Variants in SLC24A2 observed in about 807,000 individuals in gnomAD.
SLC24A2 encodes sodium/potassium/calcium exchanger 2.
In SLC24A2, 36 loss-of-function variants were observed where a neutral mutation model predicts 62.0. The ratio of observed to expected loss-of-function variants is 0.58; its 90% CI spans 0.44 to 0.77. The LOEUF (loss-of-function observed/expected upper bound fraction) is 0.77. Among genes scored for constraint, SLC24A2 ranks in the 30% least tolerant of loss-of-function variants. The pLI is 0.00. For missense variants in SLC24A2, 846 were observed against 817.9 expected (o/e 1.03, Z -0.42); for synonymous variants, 358 against 294.0 (o/e 1.22, Z -2.23).
intron 2 of SLC24A2, among the ~76,000 whole-genome samples, chr9:19,729,467 T>C (rs1348844526): frequency 6.6e-6 from 1 of 152,168 alleles, no homozygotes; most frequent in Non-Finnish European, 1.5e-5. Flanking sequence ...GCACTAAACC[T>C]AGGTGTCCAA....
chr9:20,024,278 A>G, the SLC24A2 span, among the ~76,000 whole-genome samples: 1 of 152,330 alleles, frequency 6.6e-6, no homozygotes. Flanking sequence ...CCAAGCACAG[A>G]CCTGGAAAGT....
intron 2 of SLC24A2, among the ~76,000 whole-genome samples, chr9:19,647,918 G>A (rs1347870520): frequency 2.6e-5 from 4 of 152,132 alleles, no homozygotes; most frequent in Admixed American, 1.3e-4. Context: ...TTCCAATAAC[G>A]ATTGTGAATC....
At chr9:20,207,108 A>G in the SLC24A2 span, among the ~76,000 whole-genome samples, 1 of 152,214 alleles carries the variant, frequency 6.6e-6, no homozygotes, top group Non-Finnish European at 1.5e-5. Context: ...CACTGAAGGA[A>G]TAAATAGGAA....
At chr9:20,032,410 TTGAA>T in the SLC24A2 span, among the ~76,000 whole-genome samples, 1 of 95,672 alleles carries the variant, frequency 1.0e-5, no homozygotes, top group Non-Finnish European at 2.0e-5. Context: ...AATTATTGAA[TTGAA>T]TTAGTATTAA....
chr9:19,545,694 A>G (rs1356649559), intron 8 of SLC24A2, among the ~76,000 whole-genome samples: 1 of 150,510 alleles, frequency 6.6e-6, no homozygotes, highest in East Asian at 2.0e-4. Context: ...GCTGGAGTGC[A>G]GTGGTGCAAT....
chr9:19,965,594 T>G, the SLC24A2 span, among the ~76,000 whole-genome samples: 1 of 152,200 alleles, frequency 6.6e-6, no homozygotes, highest in Non-Finnish European at 1.5e-5. Context: ...GGTGACTCAA[T>G]TCAGTGAAAT....
chr9:20,127,748 T>G, the SLC24A2 span, among the ~76,000 whole-genome samples: 1 of 152,114 alleles, frequency 6.6e-6, no homozygotes, highest in Admixed American at 6.5e-5. Context: ...TGGCAAGAAG[T>G]GCTAACCATA....
the SLC24A2 span, among the ~76,000 whole-genome samples, chr9:19,949,947 C>A: frequency 6.6e-6 from 1 of 152,160 alleles, no homozygotes; most frequent in Non-Finnish European, 1.5e-5. Context: ...AGCAGCGGCA[C>A]CCGGGAACTT....
the SLC24A2 span, among the ~76,000 whole-genome samples, chr9:20,182,251 G>C: frequency 1.3e-5 from 2 of 152,206 alleles, no homozygotes; most frequent in Non-Finnish European, 2.9e-5. Flanking sequence ...TCCAGAACTA[G>C]AAATACCATT....
At chr9:20,168,582 C>T in the SLC24A2 span, among the ~76,000 whole-genome samples, 1 of 151,684 alleles carries the variant, frequency 6.6e-6, no homozygotes, top group South Asian at 2.1e-4. Flanking sequence ...ATATAAATAG[C>T]CAACAAGAAC....
At chr9:19,973,728 A>G in the SLC24A2 span, among the ~76,000 whole-genome samples, 1 of 152,238 alleles carries the variant, frequency 6.6e-6, no homozygotes, top group South Asian at 2.1e-4. Flanking sequence ...CCTCCAAACC[A>G]GATACATTTT....
chr9:19,884,328 A>G, the SLC24A2 span, among the ~76,000 whole-genome samples: 1 of 152,156 alleles, frequency 6.6e-6, no homozygotes, highest in South Asian at 2.1e-4. Context: ...CTGCTAATCA[A>G]TACTGCTGCT....
At chr9:19,990,922 G>GATGTATATATGTGTATATATATATAT in the SLC24A2 span, among the ~76,000 whole-genome samples, 1 of 120,812 alleles carries the variant, frequency 8.3e-6, no homozygotes, top group Non-Finnish European at 1.6e-5. Flanking sequence ...GGACTAATAG[G>GATGTATATATGTGTATATATATATAT]ATATATATAT....
the SLC24A2 span, among the ~76,000 whole-genome samples, chr9:19,911,076 C>G: frequency 1.8e-5 from 2 of 111,154 alleles, no homozygotes; most frequent in African/African-American, 3.5e-5. Context: ...CCTCCCCCCA[C>G]CCCACAACAG....
chr9:20,206,341 T>G, the SLC24A2 span, among the ~76,000 whole-genome samples: 1 of 152,206 alleles, frequency 6.6e-6, no homozygotes. Context: ...ATATGAGAAT[T>G]CAACACCTAT....
the SLC24A2 span, among the ~76,000 whole-genome samples, chr9:20,120,938 T>C: frequency 9.9e-5 from 15 of 151,698 alleles, no homozygotes; most frequent in African/African-American, 3.6e-4. Context: ...ATTGTATATA[T>C]ATATATAGGC....
At chr9:19,687,955 T>C (rs559528849) in intron 2 of SLC24A2, among the ~76,000 whole-genome samples, 1 of 152,216 alleles carries the variant, frequency 6.6e-6, no homozygotes, top group Non-Finnish European at 1.5e-5. Flanking sequence ...TGTTTATGCA[T>C]AAACACTCTG....
At chr9:19,616,532 A>C (rs762551095) in intron 4 of SLC24A2, among the ~76,000 whole-genome samples, 2 of 152,196 alleles carry the variant, frequency 1.3e-5, no homozygotes, top group Non-Finnish European at 2.9e-5. Context: ...CCTTTATCAT[A>C]CTTGAGTTGG....
the SLC24A2 span, among the ~76,000 whole-genome samples, chr9:19,823,021 C>T: frequency 2.0e-5 from 3 of 152,086 alleles, no homozygotes; most frequent in Non-Finnish European, 2.9e-5. Flanking sequence ...ATCTTCCCCT[C>T]TTTAACAGGA....
Sources: gnomAD v4.1 joint callset for allele counts (sites outside exome capture counted in the v4.1 genomes callset) on GRCh38, gnomAD v4.1.1 for gene constraint, MANE v1.5 for transcripts, NCBI Gene and HGNC (gene_info 2026-07-23, HGNC 2026-07-21) for gene names.